RASSF3: variants seen among roughly 807,000 people sequenced by gnomAD.
RASSF3 encodes Ras association domain family member 3.
Under a neutral mutation model 19.9 loss-of-function variants are expected in RASSF3, and 19 were observed. The observed-to-expected ratio is 0.96, with a 90% confidence interval of 0.67 to 1.40. The LOEUF (loss-of-function observed/expected upper bound fraction) is 1.40, where lower values mean the gene tolerates loss of function less well. RASSF3 is among the 40% of genes most tolerant of loss of function. RASSF3 has a pLI of 0.00. For synonymous variants in RASSF3, 110 were observed against 104.2 expected (o/e 1.06, Z -0.34); for missense variants, 306 against 289.8 (o/e 1.06, Z -0.41).
chr12:64,516,605 C>T (rs1451900996), intron 1 of RASSF3, among the ~76,000 whole-genome samples: 2 of 130,212 alleles, frequency 1.5e-5, no homozygotes, highest in Non-Finnish European at 3.2e-5. Flanking sequence ...GGCGACAGAG[C>T]GAGACTCCGT....
At chr12:64,578,916 G>T (rs35254916) in intron 2 of RASSF3, among the ~76,000 whole-genome samples, 2 of 152,108 alleles carry the variant, frequency 1.3e-5, no homozygotes, top group African/African-American at 4.8e-5. Flanking sequence ...AAGCCGAGGT[G>T]GGTGGATCAC....
chr12:64,578,518 G>T (rs549580565), intron 2 of RASSF3, among the ~76,000 whole-genome samples: 1 of 152,242 alleles, frequency 6.6e-6, no homozygotes, highest in African/African-American at 2.4e-5. Flanking sequence ...ATTTAGTCAG[G>T]CATGATAGGG....
chr12:64,682,509 G>A lies in RASSF3; in HGVS notation c.112-2278G>A, dbSNP rs551663759. 6.7e-4 allele frequency among the ~76,000 whole-genome samples: 101 copies of A among 151,602 alleles called. 1 individual carries two copies. The Middle Eastern group carries it at 0.021, about 31-fold the overall frequency. ...GTGAACCCAGGAGGCGGAGGTTGCAGTGAGCCCAGATCCGGCCACTGCACT... is the reference window on the plus strand; with the variant it reads ...GTGAACCCAGGAGGCGGAGGTTGCAATGAGCCCAGATCCGGCCACTGCACT... On this transcript the variant is annotated intron_variant, in intron 1 of 4. Transcript: ENST00000542104.
At chr12:64,617,330 G>C (rs146670737) in intron 1 of RASSF3, among the ~76,000 whole-genome samples, 138 of 152,270 alleles carry the variant, frequency 9.1e-4, no homozygotes, top group African/African-American at 3.2e-3. Context: ...AATTTATTGT[G>C]TGCCTCCTAT....
chr12:64,551,966 C>A (rs1869171994), intron 2 of RASSF3, among the ~76,000 whole-genome samples: 1 of 152,294 alleles, frequency 6.6e-6, no homozygotes, highest in Non-Finnish European at 1.5e-5. Context: ...ACCCGCCTTA[C>A]ACAAGAGCAA....
At chr12:64,660,812 G>A (rs754754775) in intron 1 of RASSF3, among the ~76,000 whole-genome samples, 2 of 152,096 alleles carry the variant, frequency 1.3e-5, no homozygotes, top group Admixed American at 6.6e-5. Flanking sequence ...GACTTGTCTC[G>A]TGCTTAGTAG....
At chr12:64,596,963 A>C (rs558258813) in intron 2 of RASSF3, among the ~76,000 whole-genome samples, 1 of 151,820 alleles carries the variant, frequency 6.6e-6, no homozygotes, top group Non-Finnish European at 1.5e-5. Flanking sequence ...TCTCAACCTC[A>C]GGTGATCCAC....
intron 1 of RASSF3, among the ~76,000 whole-genome samples, chr12:64,513,046 C>T (rs181879451): frequency 6.6e-6 from 1 of 152,086 alleles, no homozygotes; most frequent in African/African-American, 2.4e-5. Context: ...CAGAAGCTCT[C>T]CCGAAGCAAA....
chr12:64,644,044 A>G (rs1409239309), intron 1 of RASSF3, among the ~76,000 whole-genome samples: 1 of 152,178 alleles, frequency 6.6e-6, no homozygotes, highest in Non-Finnish European at 1.5e-5. Flanking sequence ...TTGCTTTTGC[A>G]TGTCAACATT....
At chr12:64,607,431 G>A (rs549730977), upstream of RASSF3, among the ~76,000 whole-genome samples, 64 of 151,144 alleles carry the variant, frequency 4.2e-4, no homozygotes, top group Admixed American at 3.3e-4. Flanking sequence ...GTGCAGTGGC[G>A]TGATCTTGGC....
At chr12:64,532,330 A>T (rs73122393), upstream of RASSF3, among the ~76,000 whole-genome samples, 22,443 of 151,814 alleles carry the variant, frequency 0.15, 2,125 homozygotes, top group African/African-American at 0.27. Context: ...GGGAATTGTG[A>T]TCTAACCTAT....
At chr12:64,512,601 C>A (rs180980326) in intron 1 of RASSF3, among the ~76,000 whole-genome samples, 4,184 of 152,232 alleles carry the variant, frequency 0.027, 184 homozygotes, top group African/African-American at 0.096. Flanking sequence ...AGAGTTCTTA[C>A]TAATGGTTTA....
chr12:64,634,890 G>A (rs946108071), intron 1 of RASSF3, among the ~76,000 whole-genome samples: 2 of 150,736 alleles, frequency 1.3e-5, no homozygotes, highest in African/African-American at 4.9e-5. Flanking sequence ...GTTATGACAA[G>A]TTAGTACAAG....
At chr12:64,622,141 C>T (rs1057200453) in intron 1 of RASSF3, among the ~76,000 whole-genome samples, 2 of 152,072 alleles carry the variant, frequency 1.3e-5, no homozygotes, top group African/African-American at 2.4e-5. Context: ...ATCTCTGCCT[C>T]CCAGATTCAA....
chr12:64,526,117 T>C (rs941985662), intron 1 of RASSF3, among the ~76,000 whole-genome samples: 4 of 152,176 alleles, frequency 2.6e-5, no homozygotes, highest in South Asian at 2.1e-4. Flanking sequence ...ACTCGGACAA[T>C]GTAAGGGCCA....
chr12:64,624,082 G>A lies in RASSF3; in HGVS notation c.111+13339G>A, dbSNP rs1018869245. On this transcript the variant is annotated intron_variant, in intron 1 of 4. Transcript: ENST00000542104. ...CTTGGCTGTCATGTTGATGGTCTCT[G>A]TATCCAAATTAGTATTTGTGAAATT... Among the ~76,000 whole-genome samples, 16 of 151,966 alleles carry A rather than the reference G, an allele frequency of 1.1e-4. 1 individual carries two copies. Among genetic ancestry groups the A allele is most frequent in the Admixed American group, 2.0e-4 (3 of 15,278 alleles).
chr12:64,587,538 A>T (rs1869833594), intron 2 of RASSF3, among the ~76,000 whole-genome samples: 1 of 152,178 alleles, frequency 6.6e-6, no homozygotes, highest in South Asian at 2.1e-4. Context: ...AAAATACATC[A>T]TTTAATTTAA....
At chr12:64,643,568 C>G (rs1226295785) in intron 1 of RASSF3, among the ~76,000 whole-genome samples, 1 of 151,090 alleles carries the variant, frequency 6.6e-6, no homozygotes, top group Non-Finnish European at 1.5e-5. Context: ...AATAAAACCC[C>G]AAAACAAAAA....
At chr12:64,680,306 C>A (rs1418762638) in intron 1 of RASSF3, among the ~76,000 whole-genome samples, 1 of 152,060 alleles carries the variant, frequency 6.6e-6, no homozygotes, top group East Asian at 1.9e-4. Context: ...GAGCTTATAT[C>A]TTCTTTGCTA....
Sources: allele counts gnomAD v4.1 joint callset (sites outside exome capture counted in the v4.1 genomes callset), GRCh38; gene constraint gnomAD v4.1.1; transcripts MANE v1.5; gene names NCBI Gene and HGNC (gene_info 2026-07-23, HGNC 2026-07-21).